CALHM4: variants seen among roughly 807,000 people sequenced by gnomAD.
CALHM4 encodes calcium homeostasis modulator family member 4.
A neutral mutation model predicts 13.3 loss-of-function variants in CALHM4; 16 were observed. That is an observed-to-expected ratio of 1.20 (90% CI 0.81 to 1.82). CALHM4 has a LOEUF of 1.82. Ranked by LOEUF, CALHM4 falls within the 40% of genes most tolerant of loss-of-function variation. The pLI, the probability that CALHM4 is intolerant of heterozygous loss-of-function variation, is 0.00. For missense variants in CALHM4, 344 were observed against 374.9 expected (o/e 0.92, Z 0.68); for synonymous variants, 127 against 137.1 (o/e 0.93, Z 0.52).
intron 1 of CALHM4, among the ~76,000 whole-genome samples, chr6:116,542,477 A>C (rs981459964): frequency 2.6e-5 from 4 of 152,142 alleles, no homozygotes; most frequent in African/African-American, 9.6e-5. Flanking sequence ...TGTTAGGCTA[A>C]ATTTCCCCTT....
At chr6:116,553,338 G>T (rs377505871), upstream of CALHM4, among the ~76,000 whole-genome samples, 11 of 152,108 alleles carry the variant, frequency 7.2e-5, no homozygotes, top group African/African-American at 2.7e-4. Flanking sequence ...ATTTTGGATT[G>T]CTCTAGTATT....
rs118090964 is a variant in CALHM4 at position 116,548,453 on chromosome 6, A to T, written c.-1+4581A>T. 1.4e-4 allele frequency among the ~76,000 whole-genome samples: 21 copies of T among 152,364 alleles called. No individual in the cohort carries two copies. In the East Asian group the frequency reaches 4.0e-3, roughly 29 times the overall value. ...AGTTACACATTGGCACTGCAGATGA[A>T]GTGATTAGTTCTTTCAACAGTAAGC... On this transcript the variant is annotated intron_variant, in intron 2 of 2. Transcript: ENST00000368597.
upstream of CALHM4, among the ~76,000 whole-genome samples, chr6:116,549,891 G>A (rs1186909473): frequency 2.7e-5 from 4 of 149,724 alleles, no homozygotes; most frequent in Admixed American, 2.0e-4. Flanking sequence ...CAGGAGAATC[G>A]CTTCAACCCG....
chr6:116,550,013 TA>T (rs1562361096), upstream of CALHM4, among the ~76,000 whole-genome samples: 2 of 69,564 alleles, frequency 2.9e-5, no homozygotes, highest in East Asian at 1.2e-3. Flanking sequence ...TATATATATA[TA>T]TATATATATA....
At chr6:116,548,477 G>A (rs938065895) in intron 2 of CALHM4, among the ~76,000 whole-genome samples, 1 of 152,176 alleles carries the variant, frequency 6.6e-6, no homozygotes, top group African/African-American at 2.4e-5. Flanking sequence ...TCAACAGTAA[G>A]CAATAGTAAA....
In CALHM4 at chr6:116,558,410, G is replaced by T; in HGVS notation, c.*199G>T. The T allele has an allele frequency of 1.6e-6, 1 of 612,122 alleles. No individual in the cohort carries two copies. Among genetic ancestry groups the T allele is most frequent in the Non-Finnish European group, 2.6e-6 (1 of 378,644 alleles). 37.9% of individuals were successfully genotyped at this position (612,122 alleles called of 1,614,324 possible). On this transcript the variant is annotated 3_prime_UTR_variant, in exon 2 of 2. Transcript: ENST00000368596. ...TCTCTCATTTTGAAATTTTGCCAAT[G>T]GTCTGGTAATGCCTAGAGTGGAATG... is the stretch of plus-strand genomic sequence containing the variant.
chr6:116,548,022 G>T (rs138059865), intron 2 of CALHM4, among the ~76,000 whole-genome samples: 10 of 152,252 alleles, frequency 6.6e-5, no homozygotes, highest in African/African-American at 2.4e-4. Flanking sequence ...ATGATCACCC[G>T]CAAACTATCA....
rs773521263 is a variant in CALHM4 at position 116,558,032 on chromosome 6, C to T, written c.766C>T (p.Pro256Ser). ...HRIKKLFGFI[P>S]GSEDVKHIRI... ...CATAAAGAAGCTATTTGGCTTCATT[C>T]CCGGGAGTGAAGACGTCAAACACAT... Residue 256 changes from proline to serine, a missense_variant, in exon 2 of 2, where the codon CCC becomes TCC. Coordinates refer to ENST00000368596, the MANE Select transcript of CALHM4 (RefSeq NM_001366078.2). 22 of 1,614,062 alleles carry T rather than the reference C, an allele frequency of 1.4e-5. No individual in the cohort carries two copies. Among genetic ancestry groups the T allele is most frequent in the Non-Finnish European group, 1.8e-5 (21 of 1,180,022 alleles).
At chr6:116,536,264 A>G (rs1051870076) in intron 1 of CALHM4, among the ~76,000 whole-genome samples, 2 of 152,206 alleles carry the variant, frequency 1.3e-5, no homozygotes, top group African/African-American at 4.8e-5. Flanking sequence ...TGCAAGGTCA[A>G]CTAAAGATTT....
At chr6:116,541,803 G>A (rs1464792780) in intron 1 of CALHM4, among the ~76,000 whole-genome samples, 1 of 151,964 alleles carries the variant, frequency 6.6e-6, no homozygotes, top group African/African-American at 2.4e-5. Flanking sequence ...AAGCCAAAAC[G>A]TTATGAGCTG....
Position 116,554,327 on chromosome 6 carries a change from T to C in CALHM4, c.534T>C (p.Ala178=). Reference sequence around the variant, plus strand: ...TGATCCTAGTAAGAGATGAAATAGCTCTTCTGCACAGATACCAGTCACAGG... The same window carrying C: ...TGATCCTAGTAAGAGATGAAATAGCCCTTCTGCACAGATACCAGTCACAGG... ...SDVILVRDEI[A]LLHRYQSQML... The change falls in exon 1 of 2, where the codon GCT becomes GCC. Residue 178 remains alanine (A), a synonymous_variant. Coordinates refer to ENST00000368596, the MANE Select transcript of CALHM4 (RefSeq NM_001366078.2). The C allele has an allele frequency of 1.9e-6, 3 of 1,545,320 alleles. No homozygotes were observed. Among genetic ancestry groups the C allele is most frequent in the Non-Finnish European group, 1.7e-6 (2 of 1,145,156 alleles).
intron 2 of CALHM4, chr6:116,545,548 T>C: frequency 6.5e-7 from 1 of 1,538,760 alleles, no homozygotes. Context: ...GATCTTCAAT[T>C]TCTCTTCTTT....
chr6:116,529,891 G>A (rs984717451), intron 1 of CALHM4, among the ~76,000 whole-genome samples: 5 of 152,210 alleles, frequency 3.3e-5, no homozygotes, highest in Admixed American at 3.3e-4. Context: ...TAAGAGGAGT[G>A]TGTGCGGAAG....
chr6:116,538,858 A>T (rs1441744917), intron 1 of CALHM4, among the ~76,000 whole-genome samples: 1 of 151,136 alleles, frequency 6.6e-6, no homozygotes, highest in African/African-American at 2.4e-5. Flanking sequence ...CAGCTTTCTG[A>T]GTTGTTGGGA....
At chr6:116,546,182 T>C (rs1773769577) in intron 2 of CALHM4, among the ~76,000 whole-genome samples, 3 of 152,212 alleles carry the variant, frequency 2.0e-5, no homozygotes, top group Admixed American at 2.0e-4. Context: ...AATATTTTCT[T>C]ACAAAACTGT....
intron 1 of CALHM4, among the ~76,000 whole-genome samples, chr6:116,540,839 G>A (rs1194086577): frequency 6.6e-6 from 1 of 152,110 alleles, no homozygotes; most frequent in Non-Finnish European, 1.5e-5. Flanking sequence ...TAGCTAAAGC[G>A]TCTGCTACAT....
At chr6:116,545,686 A>G (rs560944655) in intron 2 of CALHM4, 117 of 451,430 alleles carry the variant, frequency 2.6e-4, no homozygotes, top group African/African-American at 2.2e-3. Flanking sequence ...CTGAAGAGGG[A>G]AAAAAACCAT....
At chr6:116,556,292 A>G (rs1774312678) in intron 1 of CALHM4, among the ~76,000 whole-genome samples, 1 of 152,160 alleles carries the variant, frequency 6.6e-6, no homozygotes, top group Admixed American at 6.5e-5. Context: ...TATTTCTTGG[A>G]TTGCTCATTT....
intron 1 of CALHM4, among the ~76,000 whole-genome samples, chr6:116,538,028 T>A (rs1035191656): frequency 2.6e-5 from 4 of 152,198 alleles, no homozygotes; most frequent in African/African-American, 4.8e-5. Context: ...CTGGGAAGGA[T>A]TCATATGGGA....
Sources: allele counts gnomAD v4.1 joint callset (sites outside exome capture counted in the v4.1 genomes callset), GRCh38; gene constraint gnomAD v4.1.1; transcripts MANE v1.5; gene names NCBI Gene and HGNC (gene_info 2026-07-23, HGNC 2026-07-21).